The following SLC35F2 variants were observed in gnomAD, a reference collection of about 807,000 sequenced individuals.
SLC35F2 encodes solute carrier family 35 member F2, also known as queuine/queuosine transporter SLC35F2.
In SLC35F2, 25 loss-of-function variants were observed where a neutral mutation model predicts 38.1. That is an observed-to-expected ratio of 0.66 (90% CI 0.48 to 0.92). The LOEUF (loss-of-function observed/expected upper bound fraction) is 0.92. SLC35F2 is among the 40% of genes least tolerant of loss of function. The probability of loss-of-function intolerance (pLI) is 0.00; values close to 1 mark genes in which losing one functional copy is unlikely to be tolerated. For missense variants in SLC35F2, 409 were observed against 452.9 expected (o/e 0.90, Z 0.88); for synonymous variants, 173 against 181.7 (o/e 0.95, Z 0.38).
intron 1 of SLC35F2, among the ~76,000 whole-genome samples, chr11:107,825,361 C>CT (rs112751391): frequency 0.084 from 10,328 of 123,546 alleles, 1,077 homozygotes; most frequent in African/African-American, 0.25. Flanking sequence ...GCATTTCTTT[C>CT]TTTTTTTTTT....
chr11:107,858,633 G>A (rs1267405404), intron 1 of SLC35F2, 25 bp downstream of exon 1: 1 of 1,271,912 alleles, frequency 7.9e-7, no homozygotes, highest in Non-Finnish European at 1.0e-6. Context: ...CCCCAGCGGA[G>A]CTGCAGCACG....
intron 1 of SLC35F2, among the ~76,000 whole-genome samples, chr11:107,832,623 T>A (rs1215579604): frequency 6.6e-6 from 1 of 151,988 alleles, no homozygotes; most frequent in East Asian, 1.9e-4. Context: ...GGCAACATGA[T>A]CAAATGCCTT....
At chr11:107,797,875 C>T (rs998866081) in intron 7 of SLC35F2, among the ~76,000 whole-genome samples, 1 of 152,084 alleles carries the variant, frequency 6.6e-6, no homozygotes. Flanking sequence ...AGCACAGGGC[C>T]CAACACATAG....
intron 1 of SLC35F2, among the ~76,000 whole-genome samples, chr11:107,854,048 C>A (rs1292645755): frequency 6.6e-6 from 1 of 151,772 alleles, no homozygotes; most frequent in Non-Finnish European, 1.5e-5. Context: ...AAGATTTTGT[C>A]CCTACAAAAA....
At chr11:107,843,114 C>G (rs978266040) in intron 1 of SLC35F2, among the ~76,000 whole-genome samples, 3 of 152,098 alleles carry the variant, frequency 2.0e-5, no homozygotes, top group Non-Finnish European at 4.4e-5. Flanking sequence ...ATAATAAAAG[C>G]ATACTTTTTA....
chr11:107,830,172 G>A (rs1266450150), intron 1 of SLC35F2, among the ~76,000 whole-genome samples: 1 of 151,892 alleles, frequency 6.6e-6, no homozygotes, highest in Non-Finnish European at 1.5e-5. Flanking sequence ...TTAAAGAAAA[G>A]AAGCCTCTAT....
chr11:107,799,273 T>C (rs1859267454), intron 7 of SLC35F2, among the ~76,000 whole-genome samples: 1 of 152,174 alleles, frequency 6.6e-6, no homozygotes. Context: ...ACAAAATAAC[T>C]GGAAAGGAAT....
At chr11:107,853,965 C>A (rs1860235769) in intron 1 of SLC35F2, among the ~76,000 whole-genome samples, 1 of 152,116 alleles carries the variant, frequency 6.6e-6, no homozygotes, top group East Asian at 1.9e-4. Flanking sequence ...TGCCTGTGAT[C>A]CCAAATTTTA....
At chr11:107,853,673 T>TCG (rs1344990629) in intron 1 of SLC35F2, among the ~76,000 whole-genome samples, 3 of 134,440 alleles carry the variant, frequency 2.2e-5, no homozygotes, top group Non-Finnish European at 4.5e-5. Context: ...TGAGCCGAGA[T>TCG]CGCGCCACTG....
intron 1 of SLC35F2, among the ~76,000 whole-genome samples, chr11:107,829,443 T>C (rs1859803333): frequency 6.6e-6 from 1 of 151,384 alleles, no homozygotes. Flanking sequence ...CTTGTTTGAC[T>C]CCCAGTGCAC....
chr11:107,807,022 A>C (rs1297270972), intron 3 of SLC35F2, 146 bp from the exon 4 acceptor site: 1 of 653,484 alleles, frequency 1.5e-6, no homozygotes, highest in Non-Finnish European at 2.6e-6. Context: ...TAAGAGCTTT[A>C]CCTGGATTCA....
chr11:107,815,310 G>C (rs1211095903), intron 2 of SLC35F2, among the ~76,000 whole-genome samples: 1 of 151,496 alleles, frequency 6.6e-6, no homozygotes, highest in Non-Finnish European at 1.5e-5. Context: ...AGCACTTTGG[G>C]AGGCTGAGGT....
intron 3 of SLC35F2, among the ~76,000 whole-genome samples, chr11:107,808,328 G>A (rs1859429042): frequency 6.6e-6 from 1 of 151,994 alleles, no homozygotes; most frequent in Non-Finnish European, 1.5e-5. Flanking sequence ...ATTACAGCAG[G>A]TCCAAAATTG....
At chr11:107,842,165 T>C (rs1242440230) in intron 1 of SLC35F2, among the ~76,000 whole-genome samples, 1 of 142,684 alleles carries the variant, frequency 7.0e-6, no homozygotes, top group Admixed American at 7.6e-5. Flanking sequence ...CTCAGGAGGC[T>C]GAGGCACAAG....
intron 1 of SLC35F2, among the ~76,000 whole-genome samples, chr11:107,837,318 CA>C (rs1859944282): frequency 2.0e-5 from 3 of 151,974 alleles, no homozygotes; most frequent in Admixed American, 1.3e-4. Flanking sequence ...GTTTATGTGC[CA>C]AATAAATAGC....
chr11:107,816,690 T>C (rs536155432), intron 1 of SLC35F2, among the ~76,000 whole-genome samples: 37 of 152,048 alleles, frequency 2.4e-4, no homozygotes, highest in Non-Finnish European at 4.9e-4. Context: ...ATTGGATAGA[T>C]AGCAATATGG....
At chr11:107,822,373 T>A (rs1189797783) in intron 1 of SLC35F2, among the ~76,000 whole-genome samples, 1 of 152,248 alleles carries the variant, frequency 6.6e-6, no homozygotes, top group African/African-American at 2.4e-5. Context: ...TGATTTCCAA[T>A]GAAAATATAT....
At chr11:107,797,856 C>G (rs1269657613) in intron 7 of SLC35F2, among the ~76,000 whole-genome samples, 1 of 152,078 alleles carries the variant, frequency 6.6e-6, no homozygotes, top group Non-Finnish European at 1.5e-5. Flanking sequence ...ATTCTTGGAT[C>G]TAATACATAG....
intron 1 of SLC35F2, among the ~76,000 whole-genome samples, chr11:107,821,975 T>G (rs1015125281): frequency 6.6e-6 from 1 of 152,222 alleles, no homozygotes; most frequent in Admixed American, 6.5e-5. Flanking sequence ...CAGTGGCTTA[T>G]GCCTGTAATC....
Sources: gnomAD v4.1 joint callset for allele counts (sites outside exome capture counted in the v4.1 genomes callset) on GRCh38, gnomAD v4.1.1 for gene constraint, MANE v1.5 for transcripts, NCBI Gene and HGNC (gene_info 2026-07-23, HGNC 2026-07-21) for gene names.